DNASE1: variants seen among roughly 807,000 people sequenced by gnomAD.
The protein encoded by DNASE1 is deoxyribonuclease 1.
A neutral mutation model predicts 33.9 loss-of-function variants in DNASE1; 40 were observed. The ratio of observed to expected loss-of-function variants is 1.18; its 90% CI spans 0.92 to 1.54. DNASE1 has a LOEUF of 1.54. Ranked by LOEUF, DNASE1 falls within the 40% of genes most tolerant of loss-of-function variation. The pLI, the probability that DNASE1 is intolerant of heterozygous loss-of-function variation, is 0.00. For synonymous variants in DNASE1, 216 were observed against 160.0 expected (o/e 1.35, Z -2.64); for missense variants, 518 against 372.6 (o/e 1.39, Z -3.21).
At chr16:3,615,906 A>C (rs1255911330) in intron 1 of DNASE1, among the ~76,000 whole-genome samples, 1 of 152,236 alleles carries the variant, frequency 6.6e-6, no homozygotes, top group Non-Finnish European at 1.5e-5. Flanking sequence ...GTTTGATTAT[A>C]AATGGTAAAG....
chr16:3,658,775 C>G (rs369834769), downstream of DNASE1: 2 of 1,611,318 alleles, frequency 1.2e-6, no homozygotes, highest in Non-Finnish European at 1.7e-6. Flanking sequence ...TGCAGTCATC[C>G]TAAGCTGCTG....
chr16:3,612,651 C>T (rs1050498231), intron 1 of DNASE1, among the ~76,000 whole-genome samples: 2 of 151,250 alleles, frequency 1.3e-5, no homozygotes, highest in East Asian at 1.9e-4. Context: ...GCAAGAGATC[C>T]TCCCGCCTCG....
downstream of DNASE1, chr16:3,662,278 C>T (rs2043125829): frequency 5.3e-6 from 5 of 952,204 alleles, no homozygotes; most frequent in Non-Finnish European, 6.1e-6. Context: ...GCTCCCTCCC[C>T]ATTACCCACT....
upstream of DNASE1, chr16:3,641,155 C>T (rs1245880762): frequency 8.2e-5 from 32 of 392,232 alleles, no homozygotes; most frequent in Non-Finnish European, 1.3e-4. Context: ...TGCAGCTCCA[C>T]GCTGTGGGGG....
upstream of DNASE1, among the ~76,000 whole-genome samples, chr16:3,638,577 A>T (rs2041943384): frequency 6.6e-6 from 1 of 152,184 alleles, no homozygotes; most frequent in Admixed American, 6.5e-5. Flanking sequence ...TGACCTCGTG[A>T]TCCGCCTGCC....
At chr16:3,626,760 T>C (rs1008567947) in intron 1 of DNASE1, among the ~76,000 whole-genome samples, 1 of 152,216 alleles carries the variant, frequency 6.6e-6, no homozygotes, top group Non-Finnish European at 1.5e-5. Context: ...ATTTGTCAGT[T>C]TTTGTTTCAT....
At chr16:3,662,642 T>C, downstream of DNASE1, 1 of 675,312 alleles carries the variant, frequency 1.5e-6, no homozygotes, top group Non-Finnish European at 2.7e-6. Context: ...TGCTGGTTTT[T>C]CAGTTCTCAG....
At chr16:3,662,224 C>A, downstream of DNASE1, 3 of 1,489,620 alleles carry the variant, frequency 2.0e-6, no homozygotes, top group South Asian at 1.3e-5. Flanking sequence ...ACCCAGACCA[C>A]GAGGTAGCAG....
At chr16:3,662,520 C>T (rs1258467392), downstream of DNASE1, 2 of 527,332 alleles carry the variant, frequency 3.8e-6, no homozygotes, top group Non-Finnish European at 7.1e-6. Flanking sequence ...TGAAGCCCAC[C>T]CAAAACCCCC....
upstream of DNASE1, chr16:3,641,038 A>G (rs1019516877): frequency 5.0e-5 from 20 of 398,144 alleles, no homozygotes; most frequent in Non-Finnish European, 8.4e-5. Context: ...ATCAGCACCA[A>G]GCTAGACTCA....
At chr16:3,662,297 GGCCCTGAGCTGAT>G (rs2043127632), downstream of DNASE1, 1 of 826,546 alleles carries the variant, frequency 1.2e-6, no homozygotes, top group East Asian at 2.7e-5. Flanking sequence ...CTAACTTGTG[GGCCCTGAGCTGAT>G]GCCCCACGCA....
At chr16:3,639,994 A>C (rs1665115152), upstream of DNASE1, among the ~76,000 whole-genome samples, 1 of 152,256 alleles carries the variant, frequency 6.6e-6, no homozygotes, top group Admixed American at 6.5e-5. Flanking sequence ...CCTTGGAAGC[A>C]GCGATCCTTT....
intron 1 of DNASE1, among the ~76,000 whole-genome samples, chr16:3,647,599 A>T (rs977166202): frequency 6.6e-6 from 1 of 152,184 alleles, no homozygotes; most frequent in African/African-American, 2.4e-5. Flanking sequence ...ATTCAAAACT[A>T]GTATTACACA....
At chr16:3,623,099 C>T (rs2041380544) in intron 1 of DNASE1, among the ~76,000 whole-genome samples, 1 of 152,176 alleles carries the variant, frequency 6.6e-6, no homozygotes, top group Non-Finnish European at 1.5e-5. Context: ...GTCCTAGCTA[C>T]TCATGCAGTA....
At chr16:3,656,871 T>C in intron 5 of DNASE1, 118 bp downstream of exon 5, 1 of 1,544,156 alleles carries the variant, frequency 6.5e-7, no homozygotes, top group South Asian at 1.2e-5. Context: ...GGGCTTGGGT[T>C]TTCCATTCAA....
chr16:3,661,792 C>G, downstream of DNASE1: 1 of 596,366 alleles, frequency 1.7e-6, no homozygotes, highest in Non-Finnish European at 2.6e-6. Context: ...CAGGTGACAC[C>G]TGGGGATGGT....
At chr16:3,664,463 G>A in exon 10 of DNASE1, 3 of 1,607,414 alleles carry the variant, frequency 1.9e-6, no homozygotes, top group Non-Finnish European at 2.5e-6. Context: ...TGTCCTCCTA[G>A]AAGGGACGGG....
chr16:3,662,035 T>C (rs764176395), downstream of DNASE1: 6 of 1,613,302 alleles, frequency 3.7e-6, no homozygotes, highest in Admixed American at 1.7e-5. Context: ...GCGCTCCTCC[T>C]GGGTCTTGGC....
chr16:3,638,598 A>G (rs1439051818), upstream of DNASE1, among the ~76,000 whole-genome samples: 3 of 152,164 alleles, frequency 2.0e-5, no homozygotes, highest in East Asian at 1.9e-4. Context: ...TCGGCCTCCC[A>G]AAGTGCTGGG....
Sources: gnomAD v4.1 joint callset for allele counts (sites outside exome capture counted in the v4.1 genomes callset) on GRCh38, gnomAD v4.1.1 for gene constraint, MANE v1.5 for transcripts, NCBI Gene and HGNC (gene_info 2026-07-23, HGNC 2026-07-21) for gene names.